Variants in SCEL observed in about 807,000 individuals in gnomAD.
SCEL encodes the protein sciellin.
Under a neutral mutation model 117.6 loss-of-function variants are expected in SCEL, and 113 were observed. The ratio of observed to expected loss-of-function variants is 0.96; its 90% CI spans 0.83 to 1.12. SCEL has a LOEUF of 1.12. Ranked by LOEUF, SCEL falls within the 50% of genes most tolerant of loss-of-function variation. The pLI is 0.00. For missense variants in SCEL, 785 were observed against 810.8 expected, an observed-to-expected ratio of 0.97 and a Z score of 0.39; for synonymous variants, 270 against 256.2, an observed-to-expected ratio of 1.05 and a Z score of -0.51.
chr13:77,546,193 A>G (rs970902398), intron 1 of SCEL, among the ~76,000 whole-genome samples: 1 of 152,170 alleles, frequency 6.6e-6, no homozygotes, highest in African/African-American at 2.4e-5. Flanking sequence ...GCAGCCATTC[A>G]TTCCTGCTGC....
At chr13:77,551,364 C>G (rs1034179929) in intron 1 of SCEL, among the ~76,000 whole-genome samples, 4 of 152,210 alleles carry the variant, frequency 2.6e-5, no homozygotes, top group African/African-American at 9.7e-5. Context: ...GACCAAAGCT[C>G]TTTGAATGAC....
rs556607213 is a variant in SCEL at position 77,570,956 on chromosome 13, CGAGTAGTTG to C, written c.480-1166_480-1158del. ...TAACCAATTATTTGCCTCAGCCTCCCGAGTAGTTGGGAGTACAGGCACATGCCACCACGA... is the reference window on the plus strand; with the variant it reads ...TAACCAATTATTTGCCTCAGCCTCCCGGAGTACAGGCACATGCCACCACGA... On this transcript the variant is annotated intron_variant, in intron 8 of 32. Coordinates refer to ENST00000349847, the MANE Select transcript of SCEL (RefSeq NM_144777.3). Among the ~76,000 whole-genome samples the C allele has an allele frequency of 1.7e-3, 252 of 151,622 alleles. 1 individual carries two copies. The highest frequency in any genetic ancestry group is 5.6e-3 in the African/African-American group (232 of 41,452).
rs186749619 is a variant in SCEL at position 77,566,870 on chromosome 13, G to T, written c.291-810G>T. On this transcript the variant is annotated intron_variant, in intron 5 of 32. Transcript: ENST00000349847. ...TCTGGAAGTGGCAGATAACGTATCT[G>T]CCCACACTCTTTAGTCTAGAGCTCA... Among the ~76,000 whole-genome samples the T allele has an allele frequency of 3.3e-5, 5 of 152,262 alleles. No individual in the cohort carries two copies. In the East Asian group the frequency reaches 9.7e-4, roughly 29 times the overall value.
At chr13:77,568,952 A>G (rs1217910789) in intron 7 of SCEL, among the ~76,000 whole-genome samples, 1 of 152,228 alleles carries the variant, frequency 6.6e-6, no homozygotes, top group Non-Finnish European at 1.5e-5. Flanking sequence ...GCATATATGA[A>G]TAAATGCCAG....
chr13:77,617,995 T>C lies in SCEL; in HGVS notation c.1572-9T>C. On this transcript the variant is annotated splice_polypyrimidine_tract_variant and intron_variant, in intron 26 of 32. Coordinates refer to ENST00000349847, the MANE Select transcript of SCEL (RefSeq NM_144777.3). ...AATCTGAACTTTTTTCTCTCTCTCT[T>C]TTAAACAGCCAAGACTTGGACAATC... The C allele has an allele frequency of 1.2e-6, 2 of 1,613,366 alleles. No homozygotes were observed. Among genetic ancestry groups the C allele is most frequent in the South Asian group, 2.2e-5 (2 of 91,060 alleles).
At chr13:77,614,399 G>A (rs1431172715) in intron 24 of SCEL, among the ~76,000 whole-genome samples, 1 of 152,066 alleles carries the variant, frequency 6.6e-6, no homozygotes, top group Non-Finnish European at 1.5e-5. Flanking sequence ...GTAGTCAGTG[G>A]AAATTTTATG....
chr13:77,635,774 A>G (rs1440571942), intron 29 of SCEL, among the ~76,000 whole-genome samples: 3 of 152,218 alleles, frequency 2.0e-5, no homozygotes, highest in East Asian at 3.8e-4. Context: ...TACCCTGTAC[A>G]TATGTGTATC....
Position 77,593,509 on chromosome 13 carries a change from T to C in SCEL, c.693-5T>C, listed in dbSNP as rs754608746. The C allele has an allele frequency of 2.5e-6, 4 of 1,609,656 alleles. No homozygotes were observed. The highest frequency in any genetic ancestry group is 8.5e-7 in the Non-Finnish European group (1 of 1,176,460). ...TGACCTGTATTTATTTTTCATTGTT[T>C]GAAGGAGTCAGGATCTTGATAACAT... On this transcript the variant is annotated splice_region_variant and splice_polypyrimidine_tract_variant and intron_variant, in intron 11 of 32. Transcript: ENST00000349847.
At chr13:77,576,535 C>T (rs1166059548) in intron 9 of SCEL, among the ~76,000 whole-genome samples, 1 of 152,192 alleles carries the variant, frequency 6.6e-6, no homozygotes, top group Admixed American at 6.5e-5. Context: ...GCCACTTCTT[C>T]ATTTATATCC....
chr13:77,569,718 T>C (rs920413260), intron 8 of SCEL, among the ~76,000 whole-genome samples: 2 of 152,240 alleles, frequency 1.3e-5, no homozygotes, highest in Admixed American at 1.3e-4. Context: ...GGAGTCCTGC[T>C]GCTGGGAATG....
intron 12 of SCEL, among the ~76,000 whole-genome samples, chr13:77,596,866 G>T (rs1045321716): frequency 4.6e-5 from 7 of 152,138 alleles, no homozygotes; most frequent in Admixed American, 2.0e-4. Flanking sequence ...TTGAACCCAT[G>T]TGGTTTAAAT....
intron 11 of SCEL, among the ~76,000 whole-genome samples, chr13:77,593,293 T>TGCAC (rs1491396156): frequency 1.9e-5 from 1 of 53,380 alleles, no homozygotes; most frequent in African/African-American, 1.0e-4. Context: ...TGTGTGTGTG[T>TGCAC]GTGTCTGTGT....
At chr13:77,565,717 G>A (rs989632158) in intron 5 of SCEL, among the ~76,000 whole-genome samples, 2 of 152,208 alleles carry the variant, frequency 1.3e-5, no homozygotes, top group Non-Finnish European at 2.9e-5. Flanking sequence ...GAAAAGTACT[G>A]AGTTTACGTT....
intron 1 of SCEL, among the ~76,000 whole-genome samples, chr13:77,552,522 G>A (rs1489851162): frequency 1.1e-4 from 16 of 151,674 alleles, no homozygotes; most frequent in African/African-American, 2.9e-4. Context: ...CATGTCCTTC[G>A]CCCACTTTTT....
At chr13:77,610,534 C>T (rs965646264) in intron 22 of SCEL, among the ~76,000 whole-genome samples, 5 of 151,894 alleles carry the variant, frequency 3.3e-5, no homozygotes, top group African/African-American at 1.2e-4. Context: ...GATCCTGTGT[C>T]AGAAATCTAG....
chr13:77,550,590 A>G (rs1158455410), intron 1 of SCEL, among the ~76,000 whole-genome samples: 2 of 152,006 alleles, frequency 1.3e-5, no homozygotes, highest in Non-Finnish European at 2.9e-5. Flanking sequence ...ACTGTTCTGT[A>G]CATTTCATAT....
intron 3 of SCEL, 122 bp from the exon 4 acceptor site, chr13:77,559,682 C>T: frequency 1.4e-6 from 1 of 716,436 alleles, no homozygotes. Flanking sequence ...GTTCTCACAA[C>T]TGAAGTAAAA....
At chr13:77,623,410 C>G (rs970657236) in intron 27 of SCEL, 1 of 152,182 alleles carries the variant, frequency 6.6e-6, no homozygotes. Context: ...ACTAACTACT[C>G]ACACCAGTTA....
chr13:77,596,594 G>A (rs867369004), intron 12 of SCEL, among the ~76,000 whole-genome samples: 1 of 152,022 alleles, frequency 6.6e-6, no homozygotes, highest in Non-Finnish European at 1.5e-5. Flanking sequence ...GTCCTGGATC[G>A]TACTCCATGT....
Sources: allele counts gnomAD v4.1 joint callset (sites outside exome capture counted in the v4.1 genomes callset), GRCh38; gene constraint gnomAD v4.1.1; transcripts MANE v1.5; gene names NCBI Gene and HGNC (gene_info 2026-07-23, HGNC 2026-07-21).